SETD6: variants seen among roughly 807,000 people sequenced by gnomAD.
SETD6 encodes the protein SET domain containing 6, protein lysine methyltransferase, also known as N-lysine methyltransferase SETD6.
Under a neutral mutation model 52.7 loss-of-function variants are expected in SETD6, and 67 were observed. The ratio of observed to expected loss-of-function variants is 1.27; its 90% confidence interval spans 1.04 to 1.56. The LOEUF is 1.56. Ranked by LOEUF, SETD6 falls within the 40% of genes most tolerant of loss-of-function variation. The pLI is 0.00. For synonymous variants in SETD6, 307 were observed against 250.2 expected, an observed-to-expected ratio of 1.23 and a Z score of -2.14; for missense variants, 712 against 607.5, an observed-to-expected ratio of 1.17 and a Z score of -1.81.
chr16:58,516,335 G>A lies in SETD6; in HGVS notation c.468G>A (p.Pro156=), dbSNP rs1377190460. 1.5e-5 allele frequency: 24 copies of A among 1,609,412 alleles called. No individual in the cohort carries two copies. The highest frequency in any genetic ancestry group is 1.8e-5 in the Non-Finnish European group (21 of 1,179,916). Reference sequence around the variant, plus strand: ...CCGAGCTGGGCCGCTTGGAGCACCCGATGTTCTGGTGAGAGCCTTGGGAGG... The same window carrying A: ...CCGAGCTGGGCCGCTTGGAGCACCCAATGTTCTGGTGAGAGCCTTGGGAGG... ...LWPELGRLEH[P]MFWPEEERRC... The change falls in exon 3 of 8, where the codon CCG becomes CCA. Residue 156 remains proline (P), a synonymous_variant. Coordinates refer to ENST00000219315, the MANE Select transcript of SETD6 (RefSeq NM_001160305.4).
chr16:58,516,637 C>A lies in SETD6; in HGVS notation c.636C>A (p.Leu212=), dbSNP rs1444349954. Residue 212 remains leucine (L), a synonymous_variant, in exon 4 of 8, where the codon CTC becomes CTA. Transcript: ENST00000219315. ...GCCTCAGGGTTCGCTCCCTAGAACT[C>A]TACCACCAGCTGGTGGCCCTTGTGA... ...LFSLRVRSLE[L]YHQLVALVMA... is the part of the protein sequence containing the mutation. 6.2e-7 allele frequency: 1 copy of A among 1,614,000 alleles called. No individual in the cohort carries two copies. Among genetic ancestry groups the A allele is most frequent in the Non-Finnish European group, 8.5e-7 (1 of 1,179,988 alleles).
rs112685650 is a variant in SETD6 at position 58,521,685 on chromosome 16, G to A, written c.*2656G>A. Among the ~76,000 whole-genome samples the A allele has an allele frequency of 2.6e-5, 4 of 152,170 alleles. 2 individuals are homozygous for A. Among genetic ancestry groups the A allele is most frequent in the African/African-American group, 9.6e-5 (4 of 41,524 alleles). ...ATGAGCTCCCAGGCCGGGCACAGTGGCTCATGCCTGTAATCCAGCACTTTG... is the reference window on the plus strand; with the variant it reads ...ATGAGCTCCCAGGCCGGGCACAGTGACTCATGCCTGTAATCCAGCACTTTG... On this transcript the variant is annotated 3_prime_UTR_variant, in exon 8 of 8. Transcript: ENST00000219315.
At position 58,520,881 on chromosome 16, in the gene SETD6, A is replaced by T; in HGVS notation, c.*1852A>T. On this transcript the variant is annotated 3_prime_UTR_variant, in exon 8 of 8. Transcript: ENST00000219315. Reference sequence around the variant, plus strand: ...GCTGGGAAAGTCAGGAAGAGCTGAAAGGATTCTTCAGTCAGTTTATGAACT... The same window carrying T: ...GCTGGGAAAGTCAGGAAGAGCTGAATGGATTCTTCAGTCAGTTTATGAACT... The T allele has an allele frequency of 6.9e-7, 1 of 1,445,432 alleles. No homozygotes were observed. Among genetic ancestry groups the T allele is most frequent in the Non-Finnish European group, 9.6e-7 (1 of 1,038,468 alleles). 89.5% of individuals were successfully genotyped at this position (1,445,432 alleles called of 1,614,324 possible).
In SETD6 at chr16:58,516,233, G is replaced by A. The variant is rs761005427; in HGVS notation, c.366G>A (p.Trp122Ter). The A allele has an allele frequency of 2.5e-6, 4 of 1,597,152 alleles. No homozygotes were observed. Among genetic ancestry groups the A allele is most frequent in the East Asian group, 2.2e-5 (1 of 44,824 alleles). ...ERVALQSQSG[W>*]VPLLLALLHE... Reference sequence around the variant, plus strand: ...TTGCGCTGCAGAGCCAGTCGGGCTGGGTGCCACTGCTGCTGGCGCTGCTCC... The same window carrying A: ...TTGCGCTGCAGAGCCAGTCGGGCTGAGTGCCACTGCTGCTGGCGCTGCTCC... The change falls in exon 3 of 8, where the codon TGG (tryptophan) becomes TGA (stop). Residue 122 changes from tryptophan to a stop codon, truncating the protein, a stop_gained. Transcript: ENST00000219315. LOFTEE classifies it high-confidence loss of function.
Position 58,519,017 on chromosome 16 carries a change from G to A in SETD6, c.1410G>A (p.Glu470=), listed in dbSNP as rs3607. 939,115 of 1,609,764 alleles carry A rather than the reference G, an allele frequency of 0.58. 282,585 individuals are homozygous for A. Among genetic ancestry groups the A allele is most frequent in the East Asian group, 0.96 (43,209 of 44,842 alleles). ...GQKMILHQLL[E]LTS is the part of the protein sequence containing the mutation. ...AGATGATCTTACATCAGTTGTTGGAGCTGACAAGTTAGCAGTTTCCCTGTT... is the reference window on the plus strand; with the variant it reads ...AGATGATCTTACATCAGTTGTTGGAACTGACAAGTTAGCAGTTTCCCTGTT... Residue 470 remains glutamate, a synonymous_variant, in exon 8 of 8, where the codon GAG becomes GAA. Transcript: ENST00000219315.
Position 58,516,536 on chromosome 16 carries a change from A to C in SETD6, c.535A>C (p.Lys179Gln). ...CACAGGCGTACCTGAGGCCGTGGAG[A>C]AGGATTTGGCCAACATCCGCAGCGA... ...QGTGVPEAVEKDLANIRSEYQ... is the reference protein window; with the variant it reads ...QGTGVPEAVEQDLANIRSEYQ... Residue 179 changes from lysine to glutamine, a missense_variant, in exon 4 of 8, where the codon AAG becomes CAG. Coordinates refer to ENST00000219315, the MANE Select transcript of SETD6 (RefSeq NM_001160305.4). 1 of 1,614,040 alleles carries C rather than the reference A, an allele frequency of 6.2e-7. No homozygotes were observed.
In SETD6 at chr16:58,521,490, T is replaced by C. The variant is rs1358070085; in HGVS notation, c.*2461T>C. ...TCCAAATAGCACAGGTTGGAATACC[T>C]GGGTTTGAACCCTGCTCTTAGCCGT... On this transcript the variant is annotated 3_prime_UTR_variant, in exon 8 of 8. Coordinates refer to ENST00000219315, the MANE Select transcript of SETD6 (RefSeq NM_001160305.4). Among the ~76,000 whole-genome samples, 2 of 152,240 alleles carry C rather than the reference T, an allele frequency of 1.3e-5. No homozygotes were observed. Among genetic ancestry groups the C allele is most frequent in the African/African-American group, 2.4e-5 (1 of 41,466 alleles).
upstream of SETD6, chr16:58,515,490 A>C: frequency 6.4e-7 from 1 of 1,561,878 alleles, no homozygotes; most frequent in South Asian, 1.2e-5. Flanking sequence ...GAGACGCCGG[A>C]AGTGACCGCG....
chr16:58,516,205 G>C lies in SETD6; in HGVS notation c.338G>C (p.Arg113Pro). 1.3e-6 allele frequency: 2 copies of C among 1,588,022 alleles called. No individual in the cohort carries two copies. Among genetic ancestry groups the C allele is most frequent in the Non-Finnish European group, 1.7e-6 (2 of 1,176,274 alleles). ...CSIGGLLERE[R>P]VALQSQSGWV... Reference sequence around the variant, plus strand: ...CTCACACCTGTGTCTTCCTCAGAGCGAGTTGCGCTGCAGAGCCAGTCGGGC... The same window carrying C: ...CTCACACCTGTGTCTTCCTCAGAGCCAGTTGCGCTGCAGAGCCAGTCGGGC... Residue 113 changes from arginine to proline, a missense_variant, in exon 3 of 8, where the codon CGA becomes CCA. Transcript: ENST00000219315.
rs903261034 is a variant in SETD6, at chr16:58,523,789, T to C, written c.*4760T>C. On this transcript the variant is annotated 3_prime_UTR_variant, in exon 8 of 8. Coordinates refer to ENST00000219315, the MANE Select transcript of SETD6 (RefSeq NM_001160305.4). Reference sequence around the variant, plus strand: ...CTGGTGACACTCATCACTAAGTCTTTCTACATTTTGCAGATCTCTAAGTCT... The same window carrying C: ...CTGGTGACACTCATCACTAAGTCTTCCTACATTTTGCAGATCTCTAAGTCT... The C allele has an allele frequency of 7.7e-6, 2 of 258,768 alleles. No homozygotes were observed. The highest frequency in any genetic ancestry group is 1.5e-5 in the Non-Finnish European group (2 of 134,256). 16.0% of individuals were successfully genotyped at this position (258,768 alleles called of 1,614,324 possible).
chr16:58,515,525 G>A lies in SETD6; in HGVS notation c.-13G>A, dbSNP rs780214206. On this transcript the variant is annotated 5_prime_UTR_variant, in exon 1 of 8. Transcript: ENST00000219315. ...GCGGTGCGCCGGCCCGCGAGGAAAC[G>A]CGCTCTTAGACCATGGCGACCCAGG... 1.3e-6 allele frequency: 2 copies of A among 1,583,120 alleles called. No homozygotes were observed. Among genetic ancestry groups the A allele is most frequent in the Non-Finnish European group, 8.6e-7 (1 of 1,169,534 alleles).
rs1567383274 is a variant in SETD6, at chr16:58,523,535, G to T, written c.*4506G>T. ...TTAAGAAACCTTGACTTAGGACTTA[G>T]TCTGAAAGGCCAACATGGGAAGACA... On this transcript the variant is annotated 3_prime_UTR_variant, in exon 8 of 8. Transcript: ENST00000219315. 6.2e-7 allele frequency: 1 copy of T among 1,609,630 alleles called. No homozygotes were observed. Among genetic ancestry groups the T allele is most frequent in the East Asian group, 2.2e-5 (1 of 44,830 alleles).
rs552232330 is a variant in SETD6, at chr16:58,522,713, C to T, written c.*3684C>T. 2.0e-5 allele frequency among the ~76,000 whole-genome samples: 3 copies of T among 152,354 alleles called. No homozygotes were observed. The South Asian group carries it at 6.2e-4, about 32-fold the overall frequency. The stretch of plus-strand genomic sequence containing the variant: ...ATGAGGAAAAGTCCAAGTTCCTTAA[C>T]ATAGACTTCATAGGCCTGCATGATT... On this transcript the variant is annotated 3_prime_UTR_variant, in exon 8 of 8. Transcript: ENST00000219315.
rs1322788537 is a variant in SETD6, at chr16:58,518,821, T to C, written c.1214T>C (p.Ile405Thr). Residue 405 changes from isoleucine (I) to threonine (T), a missense_variant, in exon 8 of 8, where the codon ATT (isoleucine) becomes ACT (threonine). Physicochemically the swap from Ile to Thr is moderately conservative, Grantham distance 89. Coordinates refer to ENST00000219315, the MANE Select transcript of SETD6 (RefSeq NM_001160305.4). ...REEGSLTITN[I>T]PKLKASWRQL... is the part of the protein sequence containing the mutation. ...GAGGGCAGCCTGACGATCACAAATA[T>C]TCCCAAGCTCAAAGCATCGTGGAGA... is the stretch of plus-strand genomic sequence containing the variant. 6.2e-6 allele frequency: 10 copies of C among 1,614,152 alleles called. No homozygotes were observed. Among genetic ancestry groups the C allele is most frequent in the Non-Finnish European group, 8.5e-6 (10 of 1,180,024 alleles).
Position 58,516,455 on chromosome 16 carries a change from C to T in SETD6, c.477-23C>T, listed in dbSNP as rs368794978. 56 of 1,613,562 alleles carry T rather than the reference C, an allele frequency of 3.5e-5. 1 individual carries two copies. Among genetic ancestry groups the T allele is most frequent in the East Asian group, 2.2e-4 (10 of 44,862 alleles). ...AAAGTGTGTGAAGGAATGAAGGGAA[C>T]CTGGGTGTGGGTGTCCCTGCAGGCC... On this transcript the variant is annotated intron_variant, in intron 3 of 7. Coordinates refer to ENST00000219315, the MANE Select transcript of SETD6 (RefSeq NM_001160305.4).
At chr16:58,518,310 T>C (rs1307707838) in intron 6 of SETD6, 79 bp downstream of exon 6, 9 of 1,601,662 alleles carry the variant, frequency 5.6e-6, no homozygotes, top group South Asian at 1.1e-5. Flanking sequence ...CTTTGCTAAA[T>C]AGCAGTTGAC....
In SETD6 at chr16:58,520,877, T is replaced by G; in HGVS notation, c.*1848T>G. Reference sequence around the variant, plus strand: ...AAGGGCTGGGAAAGTCAGGAAGAGCTGAAAGGATTCTTCAGTCAGTTTATG... The same window carrying G: ...AAGGGCTGGGAAAGTCAGGAAGAGCGGAAAGGATTCTTCAGTCAGTTTATG... On this transcript the variant is annotated 3_prime_UTR_variant, in exon 8 of 8. Transcript: ENST00000219315. 2 of 1,430,152 alleles carry G rather than the reference T, an allele frequency of 1.4e-6. No homozygotes were observed. Among genetic ancestry groups the G allele is most frequent in the Non-Finnish European group, 2.0e-6 (2 of 1,025,474 alleles). The allele number at this position is 1,430,152 out of a possible 1,614,324, so 88.6% of individuals were successfully genotyped here.
intron 7 of SETD6, 53 bp from the exon 8 acceptor site, chr16:58,518,671 T>A: frequency 6.3e-7 from 1 of 1,597,230 alleles, no homozygotes; most frequent in South Asian, 1.1e-5. Flanking sequence ...CTGAGTCATT[T>A]CAGAAGTACA....
chr16:58,521,325 AAG>A lies in SETD6; in HGVS notation c.*2297_*2298del. ...AACCGTTCCAAGAGAACTCTGGAAA[AAG>A]GGAGAAAGAGCTAGTTAATGTATAG... On this transcript the variant is annotated 3_prime_UTR_variant, in exon 8 of 8. Coordinates refer to ENST00000219315, the MANE Select transcript of SETD6 (RefSeq NM_001160305.4). 6.3e-7 allele frequency: 1 copy of A among 1,595,330 alleles called. No homozygotes were observed. Among genetic ancestry groups the A allele is most frequent in the Admixed American group, 1.9e-5 (1 of 54,038 alleles).
Sources: gnomAD v4.1 joint callset for allele counts (sites outside exome capture counted in the v4.1 genomes callset) on GRCh38, gnomAD v4.1.1 for gene constraint, MANE v1.5 for transcripts, NCBI Gene and HGNC (gene_info 2026-07-23, HGNC 2026-07-21) for gene names.